Variants in PKP4 observed in about 807,000 individuals in gnomAD.
PKP4 encodes plakophilin 4.
Under a neutral mutation model 145.1 loss-of-function variants are expected in PKP4, and 90 were observed. The observed-to-expected ratio is 0.62, with a 90% confidence interval of 0.52 to 0.74. PKP4 has a LOEUF of 0.74. Ranked by LOEUF, PKP4 falls within the 30% of genes least tolerant of loss-of-function variation. PKP4 has a pLI of 0.00. For synonymous variants in PKP4, 563 were observed against 577.2 expected, an observed-to-expected ratio of 0.98 and a Z score of 0.35; for missense variants, 1,340 against 1,482.7, an observed-to-expected ratio of 0.90 and a Z score of 1.58.
intron 2 of PKP4, among the ~76,000 whole-genome samples, chr2:158,569,392 A>G (rs981068431): frequency 6.6e-6 from 1 of 152,154 alleles, no homozygotes; most frequent in Non-Finnish European, 1.5e-5. Context: ...TGAGATCTCA[A>G]GGTAACAGGC....
At chr2:158,555,605 G>A (rs906271664) in intron 2 of PKP4, among the ~76,000 whole-genome samples, 3 of 152,216 alleles carry the variant, frequency 2.0e-5, no homozygotes, top group South Asian at 2.1e-4. Context: ...TGTGGGAAAT[G>A]TTTGTTAAAT....
At chr2:158,517,455 A>G (rs1311876332) in intron 1 of PKP4, among the ~76,000 whole-genome samples, 4 of 151,956 alleles carry the variant, frequency 2.6e-5, no homozygotes, top group African/African-American at 9.7e-5. Context: ...CTCACACTGC[A>G]TTTTATTGTA....
chr2:158,501,155 T>A (rs776276728), intron 1 of PKP4, among the ~76,000 whole-genome samples: 9 of 152,168 alleles, frequency 5.9e-5, no homozygotes, highest in Non-Finnish European at 1.3e-4. Context: ...ATCCCTATTT[T>A]GCTGTACCAG....
intron 1 of PKP4, among the ~76,000 whole-genome samples, chr2:158,462,040 A>C (rs958328658): frequency 6.6e-6 from 1 of 152,246 alleles, no homozygotes; most frequent in Non-Finnish European, 1.5e-5. Context: ...TCAGGGTACT[A>C]TGCAGGCTTT....
intron 1 of PKP4, among the ~76,000 whole-genome samples, chr2:158,516,246 G>C (rs1042080133): frequency 1.3e-5 from 2 of 152,042 alleles, no homozygotes; most frequent in Admixed American, 6.6e-5. Context: ...TTGGTCTGGG[G>C]CAGGCCTGAA....
At chr2:158,617,515 A>G (rs1032780980) in intron 4 of PKP4, among the ~76,000 whole-genome samples, 2 of 152,178 alleles carry the variant, frequency 1.3e-5, no homozygotes, top group African/African-American at 4.8e-5. Context: ...CACACTATAT[A>G]CCTCTTCTCT....
intron 1 of PKP4, among the ~76,000 whole-genome samples, chr2:158,511,073 G>A (rs1007643659): frequency 1.3e-5 from 2 of 152,198 alleles, no homozygotes; most frequent in African/African-American, 4.8e-5. Context: ...GCAGGAGGGA[G>A]CATGCAGAGC....
At chr2:158,661,247 G>T in intron 12 of PKP4, 86 bp from the exon 13 acceptor site, 1 of 955,168 alleles carries the variant, frequency 1.0e-6, no homozygotes, top group Non-Finnish European at 1.7e-6. Context: ...CCTGTTGTTC[G>T]CTCTCTCAGA....
intron 1 of PKP4, chr2:158,457,876 C>G (rs1215785811): frequency 6.5e-6 from 1 of 153,488 alleles, no homozygotes; most frequent in East Asian, 1.9e-4. Context: ...AGCGCCGAGC[C>G]TCGCCGCTGC....
intron 1 of PKP4, among the ~76,000 whole-genome samples, chr2:158,524,506 C>T (rs1228468541): frequency 1.0e-3 from 95 of 92,568 alleles, no homozygotes; most frequent in Non-Finnish European, 1.7e-3. Context: ...AAGGAACAAC[C>T]GGTACCAGCC....
chr2:158,464,418 A>C (rs1690264504), intron 1 of PKP4, among the ~76,000 whole-genome samples: 1 of 152,230 alleles, frequency 6.6e-6, no homozygotes, highest in Non-Finnish European at 1.5e-5. Context: ...TAATTTAAAA[A>C]TTCAGTGATG....
At chr2:158,574,193 T>A (rs892503414) in intron 2 of PKP4, among the ~76,000 whole-genome samples, 1 of 152,236 alleles carries the variant, frequency 6.6e-6, no homozygotes, top group Non-Finnish European at 1.5e-5. Flanking sequence ...AGCCTTGACT[T>A]TCTAAAGTCG....
At chr2:158,490,744 A>G (rs1559215707) in intron 1 of PKP4, among the ~76,000 whole-genome samples, 1 of 151,966 alleles carries the variant, frequency 6.6e-6, no homozygotes, top group Non-Finnish European at 1.5e-5. Flanking sequence ...TGATCTGACC[A>G]CCTCCTGTTT....
chr2:158,667,096 G>A (rs1395253043), intron 16 of PKP4, among the ~76,000 whole-genome samples: 1 of 152,196 alleles, frequency 6.6e-6, no homozygotes, highest in African/African-American at 2.4e-5. Flanking sequence ...CAACATTTTA[G>A]GAGGCCTTTA....
At chr2:158,505,424 G>GA (rs67160941) in intron 1 of PKP4, among the ~76,000 whole-genome samples, 103,024 of 151,904 alleles carry the variant, frequency 0.68, 35,224 homozygotes, top group South Asian at 0.84. Flanking sequence ...GAGCTTAGGG[G>GA]AAATCGGGAG....
At chr2:158,654,930 T>C (rs369481588) in intron 11 of PKP4, among the ~76,000 whole-genome samples, 2 of 152,180 alleles carry the variant, frequency 1.3e-5, no homozygotes, top group East Asian at 1.9e-4. Flanking sequence ...GGATGGATAA[T>C]GATAGGGTAT....
intron 1 of PKP4, among the ~76,000 whole-genome samples, chr2:158,472,505 C>T (rs1187522573): frequency 2.8e-5 from 4 of 144,892 alleles, no homozygotes; most frequent in Admixed American, 2.2e-4. Flanking sequence ...CCCAGCTACT[C>T]GGGAGGCTGA....
At chr2:158,642,736 T>C (rs2054424330) in intron 11 of PKP4, 37 bp downstream of exon 11, 6 of 1,485,942 alleles carry the variant, frequency 4.0e-6, no homozygotes, top group Non-Finnish European at 5.5e-6. Context: ...AGAGGAAATG[T>C]TGAAAACAGT....
intron 2 of PKP4, among the ~76,000 whole-genome samples, chr2:158,536,823 G>A (rs1324244833): frequency 2.0e-5 from 3 of 152,120 alleles, no homozygotes; most frequent in Non-Finnish European, 2.9e-5. Flanking sequence ...CAAACGCTGC[G>A]TTTTTGATGA....
Sources: allele counts gnomAD v4.1 joint callset (sites outside exome capture counted in the v4.1 genomes callset), GRCh38; gene constraint gnomAD v4.1.1; transcripts MANE v1.5; gene names NCBI Gene and HGNC (gene_info 2026-07-23, HGNC 2026-07-21).